The following MAF variants were observed in gnomAD, a reference collection of about 807,000 sequenced individuals.
The protein encoded by MAF is MAF bZIP transcription factor, also known as transcription factor Maf.
A neutral mutation model predicts 22.0 loss-of-function variants in MAF; 10 were observed. The observed-to-expected ratio is 0.45, with a 90% CI of 0.28 to 0.77. The LOEUF (loss-of-function observed/expected upper bound fraction) is 0.77, where lower values mean the gene tolerates loss of function less well. MAF is among the 30% of genes least tolerant of loss of function. MAF has a pLI of 0.12. For synonymous variants in MAF, 337 were observed against 255.8 expected, an observed-to-expected ratio of 1.32 and a Z score of -3.03; for missense variants, 544 against 548.4, an observed-to-expected ratio of 0.99 and a Z score of 0.08.
downstream of MAF, among the ~76,000 whole-genome samples, chr16:79,592,396 A>G (rs1247646747): frequency 6.6e-6 from 1 of 152,210 alleles, no homozygotes; most frequent in Non-Finnish European, 1.5e-5. Flanking sequence ...GGGCGGAGCA[A>G]TGCCTGGAGA....
chr16:79,301,627 A>ATGT, the MAF span, among the ~76,000 whole-genome samples: 140,511 of 152,130 alleles, frequency 0.92, 64,914 homozygotes, highest in East Asian at 1. Flanking sequence ...GCATTTTATT[A>ATGT]TATCTATGTG....
chr16:79,577,478 A>G, the MAF span, among the ~76,000 whole-genome samples: 1 of 152,102 alleles, frequency 6.6e-6, no homozygotes, highest in Non-Finnish European at 1.5e-5. Context: ...CTGCCTCTCT[A>G]TTCATTGTTA....
the MAF span, among the ~76,000 whole-genome samples, chr16:79,234,552 C>T: frequency 2.0e-5 from 3 of 152,144 alleles, no homozygotes; most frequent in Non-Finnish European, 4.4e-5. Context: ...GAGTTAGATT[C>T]ATCTATAAAA....
chr16:79,295,627 T>A, the MAF span, among the ~76,000 whole-genome samples: 2 of 152,216 alleles, frequency 1.3e-5, no homozygotes, highest in African/African-American at 4.8e-5. Context: ...TTAGGCTAAA[T>A]TTGTTAACTT....
At chr16:79,358,413 T>A in the MAF span, among the ~76,000 whole-genome samples, 1 of 152,100 alleles carries the variant, frequency 6.6e-6, no homozygotes, top group Non-Finnish European at 1.5e-5. Context: ...ATCCCCTAGC[T>A]GTGATTATTT....
the MAF span, among the ~76,000 whole-genome samples, chr16:79,403,975 AAAAC>A: frequency 6.6e-6 from 1 of 152,038 alleles, no homozygotes; most frequent in African/African-American, 2.4e-5. Flanking sequence ...GGGAAGTAAT[AAAAC>A]AAACTCACCT....
At chr16:79,400,569 T>G in the MAF span, among the ~76,000 whole-genome samples, 23 of 152,330 alleles carry the variant, frequency 1.5e-4, no homozygotes, top group East Asian at 3.9e-3. Flanking sequence ...GCTCCTCCAC[T>G]CTAAAATGGG....
At chr16:79,435,605 T>C in the MAF span, among the ~76,000 whole-genome samples, 1 of 152,200 alleles carries the variant, frequency 6.6e-6, no homozygotes, top group African/African-American at 2.4e-5. Flanking sequence ...GCTGGAACTG[T>C]CTGCTCAGGG....
At chr16:79,488,519 C>T in the MAF span, among the ~76,000 whole-genome samples, 1 of 152,116 alleles carries the variant, frequency 6.6e-6, no homozygotes, top group African/African-American at 2.4e-5. Context: ...CAGGTTTACT[C>T]TGAGGATGGC....
the MAF span, among the ~76,000 whole-genome samples, chr16:79,318,904 G>A: frequency 6.6e-6 from 1 of 152,124 alleles, no homozygotes; most frequent in South Asian, 2.1e-4. Context: ...CAGCATATCT[G>A]CTCACCTGAG....
the MAF span, among the ~76,000 whole-genome samples, chr16:79,231,993 A>C: frequency 6.6e-6 from 1 of 152,000 alleles, no homozygotes; most frequent in Non-Finnish European, 1.5e-5. Flanking sequence ...TTGCATGCAC[A>C]GTTTACAATA....
At chr16:79,438,016 C>T in the MAF span, among the ~76,000 whole-genome samples, 1 of 152,168 alleles carries the variant, frequency 6.6e-6, no homozygotes, top group Non-Finnish European at 1.5e-5. Context: ...TACTACTGAG[C>T]ATATTTCTGG....
At chr16:79,354,257 G>A in the MAF span, among the ~76,000 whole-genome samples, 328 of 152,216 alleles carry the variant, frequency 2.2e-3, 1 homozygote, top group South Asian at 8.7e-3. Context: ...CTCCCAAAGT[G>A]CTGGGATTAC....
chr16:79,345,557 G>A, the MAF span, among the ~76,000 whole-genome samples: 1 of 151,602 alleles, frequency 6.6e-6, no homozygotes, highest in African/African-American at 2.4e-5. Flanking sequence ...GTGAAACCCT[G>A]TCTCTACTAA....
the MAF span, among the ~76,000 whole-genome samples, chr16:79,297,793 G>A: frequency 6.6e-6 from 1 of 152,192 alleles, no homozygotes; most frequent in African/African-American, 2.4e-5. Flanking sequence ...GCGAGGGACT[G>A]GTGGGGAGAA....
At chr16:79,249,562 A>G in the MAF span, among the ~76,000 whole-genome samples, 1 of 152,146 alleles carries the variant, frequency 6.6e-6, no homozygotes, top group African/African-American at 2.4e-5. Context: ...GAGGCATCCC[A>G]GCCTCCAGAA....
the MAF span, among the ~76,000 whole-genome samples, chr16:79,285,199 G>C: frequency 1.8e-4 from 28 of 152,190 alleles, 1 homozygote; most frequent in Middle Eastern, 6.8e-3. Flanking sequence ...AGCTTTTAAA[G>C]AAATATTGCC....
At chr16:79,248,401 A>G in the MAF span, among the ~76,000 whole-genome samples, 2 of 152,298 alleles carry the variant, frequency 1.3e-5, no homozygotes, top group South Asian at 4.1e-4. Flanking sequence ...AATTTCTTAC[A>G]TGATGCCCCT....
chr16:79,436,387 T>G, the MAF span, among the ~76,000 whole-genome samples: 1 of 152,200 alleles, frequency 6.6e-6, no homozygotes, highest in Non-Finnish European at 1.5e-5. Flanking sequence ...CTGGCTGAGA[T>G]TAATTTATTT....
Sources: allele counts gnomAD v4.1 joint callset (sites outside exome capture counted in the v4.1 genomes callset), GRCh38; gene constraint gnomAD v4.1.1; transcripts MANE v1.5; gene names NCBI Gene and HGNC (gene_info 2026-07-23, HGNC 2026-07-21).